Variants in THADA observed in about 807,000 individuals in gnomAD.
THADA encodes the protein THADA armadillo repeat containing, also known as tRNA (32-2'-O)-methyltransferase regulator THADA.
THADA carries 213 observed loss-of-function variants against 219.8 expected under a neutral mutation model. That is an observed-to-expected ratio of 0.97 (90% CI 0.87 to 1.09). The LOEUF (loss-of-function observed/expected upper bound fraction) is 1.09. Among genes scored for constraint, THADA ranks in the 50% least tolerant of loss-of-function variants. THADA has a pLI of 0.00. For synonymous variants in THADA, 1,018 were observed against 828.9 expected (o/e 1.23, Z -3.92); for missense variants, 2,956 against 2,311.3 (o/e 1.28, Z -5.72).
At chr2:43,286,137 G>C (rs1473784133) in intron 35 of THADA, among the ~76,000 whole-genome samples, 1 of 152,182 alleles carries the variant, frequency 6.6e-6, no homozygotes, top group Non-Finnish European at 1.5e-5. Context: ...CAGTTAGGCT[G>C]TTTTGAAAGA....
At chr2:43,348,969 G>C (rs1157997624) in intron 29 of THADA, among the ~76,000 whole-genome samples, 1 of 152,156 alleles carries the variant, frequency 6.6e-6, no homozygotes, top group Non-Finnish European at 1.5e-5. Context: ...GGTGGACATA[G>C]GGGTCATCAG....
At chr2:43,313,895 C>A (rs945072242) in intron 31 of THADA, among the ~76,000 whole-genome samples, 3 of 152,240 alleles carry the variant, frequency 2.0e-5, no homozygotes, top group Non-Finnish European at 2.9e-5. Flanking sequence ...AGCTCAGGAT[C>A]TGCCACCTTA....
At chr2:43,288,211 G>C (rs996891759) in intron 34 of THADA, among the ~76,000 whole-genome samples, 8 of 152,232 alleles carry the variant, frequency 5.3e-5, no homozygotes, top group African/African-American at 1.4e-4. Flanking sequence ...CTGAGGTCAG[G>C]CGTTCAGGAC....
Position 43,591,947 on chromosome 2 carries a change from C to G in THADA, c.171+5G>C, listed in dbSNP as rs915728172. 1.3e-6 allele frequency: 2 copies of G among 1,509,628 alleles called. No homozygotes were observed. The highest frequency in any genetic ancestry group is 2.8e-5 in the African/African-American group (2 of 71,838). 93.5% of individuals were successfully genotyped at this position (1,509,628 alleles called of 1,614,324 possible). On this transcript the variant is annotated splice_donor_5th_base_variant and intron_variant, in intron 3 of 37. Coordinates refer to ENST00000405975, the MANE Select transcript of THADA (RefSeq NM_022065.5). Reference sequence around the variant, plus strand: ...ATGCATCCATGAATATCAATTCAGACTTACCTGTTTAATATAATGGATTTG... The same window carrying G: ...ATGCATCCATGAATATCAATTCAGAGTTACCTGTTTAATATAATGGATTTG...
intron 26 of THADA, among the ~76,000 whole-genome samples, chr2:43,461,771 C>G (rs1221478218): frequency 6.6e-6 from 1 of 152,230 alleles, no homozygotes; most frequent in East Asian, 1.9e-4. Flanking sequence ...CCTTGCTTCT[C>G]TGGCCTGATC....
At chr2:43,504,491 G>A (rs1392040523) in intron 24 of THADA, among the ~76,000 whole-genome samples, 1 of 152,266 alleles carries the variant, frequency 6.6e-6, no homozygotes, top group South Asian at 2.1e-4. Context: ...CACAGGTTCT[G>A]AAATAAAATC....
At chr2:43,548,491 C>G (rs1200929019) in intron 20 of THADA, among the ~76,000 whole-genome samples, 1 of 152,210 alleles carries the variant, frequency 6.6e-6, no homozygotes, top group African/African-American at 2.4e-5. Flanking sequence ...CAGAGGCAGG[C>G]AGGCCTCCTT....
intron 36 of THADA, among the ~76,000 whole-genome samples, chr2:43,265,155 C>T (rs905325177): frequency 6.6e-6 from 1 of 152,298 alleles, no homozygotes; most frequent in Middle Eastern, 3.4e-3. Flanking sequence ...CAGTCTCTTA[C>T]AGCAACTCCT....
chr2:43,397,925 C>A, intron 29 of THADA, 46 bp downstream of exon 29: 1 of 1,592,292 alleles, frequency 6.3e-7, no homozygotes, highest in South Asian at 1.1e-5. Context: ...AACCAAAGTT[C>A]ATCTTATGGT....
Position 43,566,586 on chromosome 2 carries a change from G to C in THADA, c.2311+112C>G, listed in dbSNP as rs1158411. On this transcript the variant is annotated intron_variant, in intron 15 of 37. Transcript: ENST00000405975. ...CAAGCAAGAATTATAAGGTAAGAAT[G>C]AAACCTCAAAGAAAGGCAACAAAAC... is the stretch of plus-strand genomic sequence containing the variant. 23 of 1,163,556 alleles carry C rather than the reference G, an allele frequency of 2.0e-5. No individual in the cohort carries two copies. In the African/African-American group the frequency reaches 2.9e-4, roughly 15 times the overall value. 72.1% of individuals were successfully genotyped at this position (1,163,556 alleles called of 1,614,324 possible).
chr2:43,351,405 T>C (rs1300334952), intron 29 of THADA, among the ~76,000 whole-genome samples: 2 of 152,046 alleles, frequency 1.3e-5, no homozygotes, highest in Non-Finnish European at 2.9e-5. Context: ...CTCCCCACCT[T>C]CTCCAACTCC....
intron 26 of THADA, among the ~76,000 whole-genome samples, chr2:43,477,874 T>C (rs1261226488): frequency 6.6e-6 from 1 of 152,238 alleles, no homozygotes; most frequent in Non-Finnish European, 1.5e-5. Context: ...ACAATGTGTG[T>C]TCCAACTTCT....
At chr2:43,373,577 A>C (rs969748002) in intron 29 of THADA, among the ~76,000 whole-genome samples, 1 of 152,178 alleles carries the variant, frequency 6.6e-6, no homozygotes, top group Non-Finnish European at 1.5e-5. Context: ...CCCGGGTTCA[A>C]GCGATTCTCC....
chr2:43,413,665 G>C (rs1676584431), intron 28 of THADA, among the ~76,000 whole-genome samples: 1 of 152,180 alleles, frequency 6.6e-6, no homozygotes, highest in South Asian at 2.1e-4. Flanking sequence ...TCATGGTTCA[G>C]AGTCAATCAT....
At chr2:43,335,087 T>C (rs911675087) in intron 30 of THADA, among the ~76,000 whole-genome samples, 4 of 152,310 alleles carry the variant, frequency 2.6e-5, no homozygotes, top group African/African-American at 9.6e-5. Context: ...TCAAGGTACG[T>C]ACTCTGTCCC....
intron 32 of THADA, 124 bp downstream of exon 32, chr2:43,292,710 A>C: frequency 8.1e-7 from 1 of 1,239,118 alleles, no homozygotes. Flanking sequence ...CTGGCTGCCG[A>C]ATCTACTTCC....
chr2:43,337,362 T>C (rs1329158831), intron 30 of THADA, among the ~76,000 whole-genome samples: 1 of 152,256 alleles, frequency 6.6e-6, no homozygotes, highest in Non-Finnish European at 1.5e-5. Flanking sequence ...GTGAGGCATG[T>C]GGTGTGTCTC....
Position 43,508,724 on chromosome 2 carries a change from T to A in THADA, c.3431A>T (p.Glu1144Val). ...TGAAGGATCACTGCATTTAATTTCC[T>A]CTAAAACACTCCATAGCCACTGTTC... Reference protein sequence around the residue: ...LPEQWLWSVLEEIKCSDPSSK... With the variant: ...LPEQWLWSVLVEIKCSDPSSK... Residue 1144 changes from glutamate (E) to valine (V), a missense_variant, in exon 23 of 38, where the codon GAG (glutamate) becomes GTG (valine). Glu to Val is a moderately radical substitution (Grantham distance 121, BLOSUM62 -2). Coordinates refer to ENST00000405975, the MANE Select transcript of THADA (RefSeq NM_022065.5). 1.9e-6 allele frequency: 3 copies of A among 1,613,820 alleles called. No homozygotes were observed. Among genetic ancestry groups the A allele is most frequent in the Non-Finnish European group, 2.5e-6 (3 of 1,179,754 alleles).
intron 14 of THADA, 84 bp from the exon 15 acceptor site, chr2:43,566,905 G>C: frequency 3.2e-6 from 3 of 937,848 alleles, no homozygotes; most frequent in Non-Finnish European, 4.3e-6. Context: ...TTTAAGAGTG[G>C]GTGTTTTTGT....
Sources: gnomAD v4.1 joint callset for allele counts (sites outside exome capture counted in the v4.1 genomes callset) on GRCh38, gnomAD v4.1.1 for gene constraint, MANE v1.5 for transcripts, NCBI Gene and HGNC (gene_info 2026-07-23, HGNC 2026-07-21) for gene names.